The following ADAMTSL3 variants were observed in gnomAD, a reference collection of about 807,000 sequenced individuals.
ADAMTSL3 encodes the protein ADAMTS-like protein 3.
In ADAMTSL3, 128 loss-of-function variants were observed where a neutral mutation model predicts 201.7. The ratio of observed to expected loss-of-function variants is 0.63; its 90% CI spans 0.55 to 0.73. The LOEUF (loss-of-function observed/expected upper bound fraction) is 0.73. Among genes scored for constraint, ADAMTSL3 ranks in the 30% least tolerant of loss-of-function variants. The pLI, the probability that ADAMTSL3 is intolerant of heterozygous loss-of-function variation, is 0.00. For missense variants in ADAMTSL3, 1,990 were observed against 2,119.6 expected, an observed-to-expected ratio of 0.94 and a Z score of 1.20; for synonymous variants, 738 against 748.4, an observed-to-expected ratio of 0.99 and a Z score of 0.23.
intron 27 of ADAMTSL3, among the ~76,000 whole-genome samples, chr15:84,028,997 C>T (rs534927906): frequency 6.6e-6 from 1 of 152,188 alleles, no homozygotes; most frequent in Admixed American, 6.5e-5. Context: ...TTCCTGAGGC[C>T]TCCTCAGCCA....
chr15:83,961,129 A>G (rs2066961491), intron 19 of ADAMTSL3, among the ~76,000 whole-genome samples: 1 of 152,218 alleles, frequency 6.6e-6, no homozygotes, highest in African/African-American at 2.4e-5. Context: ...CAGTCAGGAA[A>G]AAAGAAAAAT....
At chr15:83,700,241 G>A (rs758358132) in intron 2 of ADAMTSL3, among the ~76,000 whole-genome samples, 1 of 152,206 alleles carries the variant, frequency 6.6e-6, no homozygotes, top group South Asian at 2.1e-4. Flanking sequence ...ATTGGCACAT[G>A]GCTGCTAACA....
chr15:83,980,644 C>T (rs1317292359), intron 20 of ADAMTSL3, among the ~76,000 whole-genome samples: 1 of 152,120 alleles, frequency 6.6e-6, no homozygotes, highest in East Asian at 1.9e-4. Flanking sequence ...TCAAGCAGAA[C>T]CCTGGACCCA....
At chr15:83,665,105 G>A (rs1461437019) in intron 2 of ADAMTSL3, among the ~76,000 whole-genome samples, 1 of 152,164 alleles carries the variant, frequency 6.6e-6, no homozygotes, top group Non-Finnish European at 1.5e-5. Flanking sequence ...CTTAAACTCA[G>A]TTTTCAAGAG....
chr15:83,940,930 T>G (rs1383699938), intron 17 of ADAMTSL3, among the ~76,000 whole-genome samples: 1 of 152,156 alleles, frequency 6.6e-6, no homozygotes, highest in Non-Finnish European at 1.5e-5. Context: ...AGTCCCTTTC[T>G]TGAATGGAAC....
At chr15:84,009,518 T>G (rs1170227688) in intron 23 of ADAMTSL3, among the ~76,000 whole-genome samples, 1 of 152,210 alleles carries the variant, frequency 6.6e-6, no homozygotes, top group Non-Finnish European at 1.5e-5. Context: ...AAATCTAGCA[T>G]TGGGTCCAAT....
At chr15:83,917,463 AT>A (rs144355972) in intron 16 of ADAMTSL3, among the ~76,000 whole-genome samples, 21 of 150,674 alleles carry the variant, frequency 1.4e-4, no homozygotes, top group African/African-American at 5.1e-4. Flanking sequence ...ATGTATATGT[AT>A]GTATGCATGT....
intron 2 of ADAMTSL3, among the ~76,000 whole-genome samples, chr15:83,669,595 G>A: frequency 6.7e-6 from 1 of 148,850 alleles, no homozygotes; most frequent in Non-Finnish European, 1.5e-5. Context: ...AGCCTCCTGA[G>A]TAGCTGGGAC....
At chr15:83,787,321 A>G (rs923640034) in intron 4 of ADAMTSL3, among the ~76,000 whole-genome samples, 3 of 152,324 alleles carry the variant, frequency 2.0e-5, no homozygotes, top group South Asian at 4.1e-4. Flanking sequence ...CTGTGCCCAC[A>G]TGATTATTGA....
intron 6 of ADAMTSL3, among the ~76,000 whole-genome samples, chr15:83,836,052 T>C (rs2064263017): frequency 6.6e-6 from 1 of 152,230 alleles, no homozygotes; most frequent in Non-Finnish European, 1.5e-5. Context: ...TGTACAATAT[T>C]CATGGCATAA....
chr15:83,939,259 T>C (rs2066513349), intron 17 of ADAMTSL3, among the ~76,000 whole-genome samples: 1 of 152,184 alleles, frequency 6.6e-6, no homozygotes, highest in Non-Finnish European at 1.5e-5. Context: ...TCTTTTTTTT[T>C]TGAGAGTTTA....
At chr15:83,753,946 T>A (rs1406266869) in intron 3 of ADAMTSL3, among the ~76,000 whole-genome samples, 4 of 152,236 alleles carry the variant, frequency 2.6e-5, no homozygotes, top group Non-Finnish European at 4.4e-5. Context: ...AACATGTGGT[T>A]GTCATAATGA....
chr15:83,786,268 C>T (rs550598013), intron 4 of ADAMTSL3, among the ~76,000 whole-genome samples: 29 of 152,226 alleles, frequency 1.9e-4, no homozygotes, highest in Admixed American at 4.6e-4. Flanking sequence ...TTAGCCACCA[C>T]GCCTGGTTTG....
At chr15:83,724,108 A>AAT (rs2062138611) in intron 3 of ADAMTSL3, among the ~76,000 whole-genome samples, 1 of 148,388 alleles carries the variant, frequency 6.7e-6, no homozygotes, top group South Asian at 2.1e-4. Flanking sequence ...TTTTTATTTT[A>AAT]TTTTTTATTT....
chr15:84,036,347 C>CCAT (rs2068504984), intron 28 of ADAMTSL3, among the ~76,000 whole-genome samples: 1 of 152,160 alleles, frequency 6.6e-6, no homozygotes, highest in African/African-American at 2.4e-5. Flanking sequence ...AAGTCATACA[C>CCAT]CGCAGTATGT....
At chr15:83,962,850 G>T (rs1274469463) in intron 19 of ADAMTSL3, among the ~76,000 whole-genome samples, 1 of 152,186 alleles carries the variant, frequency 6.6e-6, no homozygotes, top group Non-Finnish European at 1.5e-5. Flanking sequence ...TAGACAGAGG[G>T]TGCAGCCCAT....
At chr15:83,758,686 T>C (rs1434769821) in intron 3 of ADAMTSL3, among the ~76,000 whole-genome samples, 2 of 152,250 alleles carry the variant, frequency 1.3e-5, no homozygotes, top group African/African-American at 4.8e-5. Flanking sequence ...CATCTGCTTA[T>C]TGACCATTTA....
At chr15:83,763,993 G>A (rs2141715289) in intron 3 of ADAMTSL3, among the ~76,000 whole-genome samples, 1 of 152,324 alleles carries the variant, frequency 6.6e-6, no homozygotes, top group East Asian at 1.9e-4. Context: ...TGGGCTTGAG[G>A]ATGCTTGGGA....
chr15:83,843,359 A>G (rs1015191062), intron 7 of ADAMTSL3, among the ~76,000 whole-genome samples: 3 of 152,182 alleles, frequency 2.0e-5, no homozygotes, highest in Non-Finnish European at 2.9e-5. Flanking sequence ...GGATGCTGGC[A>G]TGTTATCAGG....
Sources: allele counts gnomAD v4.1 joint callset (sites outside exome capture counted in the v4.1 genomes callset), GRCh38; gene constraint gnomAD v4.1.1; transcripts MANE v1.5; gene names NCBI Gene and HGNC (gene_info 2026-07-23, HGNC 2026-07-21).